Variants in NDC1 observed in about 807,000 individuals in gnomAD.
The protein encoded by NDC1 is NDC1 transmembrane nucleoporin, also known as nucleoporin NDC1.
Under a neutral mutation model 89.8 loss-of-function variants are expected in NDC1, and 24 were observed. The ratio of observed to expected loss-of-function variants is 0.27; its 90% confidence interval spans 0.19 to 0.38. The LOEUF (loss-of-function observed/expected upper bound fraction) is 0.38. Among genes scored for constraint, NDC1 ranks in the 10% least tolerant of loss-of-function variants. The probability of loss-of-function intolerance (pLI) is 1.00; values close to 1 mark genes in which losing one functional copy is unlikely to be tolerated. For missense variants in NDC1, 728 were observed against 797.6 expected, an observed-to-expected ratio of 0.91 and a Z score of 1.05; for synonymous variants, 296 against 284.8, an observed-to-expected ratio of 1.04 and a Z score of -0.39.
intron 3 of NDC1, among the ~76,000 whole-genome samples, chr1:53,830,583 G>A (rs1428508467): frequency 1.3e-5 from 2 of 152,322 alleles, no homozygotes; most frequent in East Asian, 1.9e-4. Context: ...GATGTAGGCT[G>A]GGCGCGGTGG....
chr1:53,821,165 G>A (rs1648657693), intron 5 of NDC1, among the ~76,000 whole-genome samples: 1 of 152,050 alleles, frequency 6.6e-6, no homozygotes, highest in East Asian at 1.9e-4. Context: ...CAGGTGCAGT[G>A]GCTCATGCCT....
At chr1:53,813,528 A>G (rs759510489) in intron 6 of NDC1, among the ~76,000 whole-genome samples, 1 of 152,236 alleles carries the variant, frequency 6.6e-6, no homozygotes, top group African/African-American at 2.4e-5. Flanking sequence ...GTTAAAAGAG[A>G]CAAAGAGGGA....
At chr1:53,810,255 T>C (rs750709196) in intron 6 of NDC1, among the ~76,000 whole-genome samples, 4 of 152,052 alleles carry the variant, frequency 2.6e-5, no homozygotes, top group Non-Finnish European at 5.9e-5. Flanking sequence ...AAAAAATGAA[T>C]AGCTAAAACA....
chr1:53,783,174 T>C (rs1276888275), intron 16 of NDC1, among the ~76,000 whole-genome samples: 2 of 151,604 alleles, frequency 1.3e-5, no homozygotes, highest in Non-Finnish European at 2.9e-5. Flanking sequence ...GTTGAGAGGG[T>C]ATACAAATGG....
At chr1:53,812,913 C>G (rs1019455155) in intron 6 of NDC1, among the ~76,000 whole-genome samples, 1 of 151,720 alleles carries the variant, frequency 6.6e-6, no homozygotes, top group African/African-American at 2.4e-5. Context: ...GATTTATCAG[C>G]AGAAACCCGA....
rs1483397510 is a variant in NDC1 at position 53,796,800 on chromosome 1, C to T, written c.1473G>A (p.Gln491=). ...AAGGATTAGAAAATTCAGTCATTTGCTGATCTATTTTTAAAAAAGAAAAGG... is the reference window on the plus strand; with the variant it reads ...AAGGATTAGAAAATTCAGTCATTTGTTGATCTATTTTTAAAAAAGAAAAGG... ...GPRLWTSASD[Q]QMTEFSNPSP... Residue 491 remains glutamine, a synonymous_variant, in exon 13 of 18, where the codon CAG becomes CAA. Coordinates refer to ENST00000371429, the MANE Select transcript of NDC1 (RefSeq NM_018087.5). 1.9e-6 allele frequency: 3 copies of T among 1,606,978 alleles called. No homozygotes were observed. The highest frequency in any genetic ancestry group is 2.2e-5 in the East Asian group (1 of 44,852).
At chr1:53,790,127 C>T (rs142747061) in intron 14 of NDC1, among the ~76,000 whole-genome samples, 7 of 147,320 alleles carry the variant, frequency 4.8e-5, no homozygotes, top group South Asian at 2.2e-4. Flanking sequence ...CACTTTGGGA[C>T]GATGAGGTGG....
intron 16 of NDC1, 48 bp from the exon 17 acceptor site, chr1:53,772,537 A>G: frequency 1.3e-6 from 2 of 1,581,350 alleles, no homozygotes; most frequent in Non-Finnish European, 8.6e-7. Flanking sequence ...AAGAAAGCCA[A>G]CCTAGGCCAG....
At chr1:53,822,091 T>C (rs924333151) in intron 5 of NDC1, among the ~76,000 whole-genome samples, 2 of 152,204 alleles carry the variant, frequency 1.3e-5, no homozygotes, top group South Asian at 2.1e-4. Flanking sequence ...CTGGTTTTAG[T>C]AGTGTAGGCA....
intron 4 of NDC1, 99 bp from the exon 5 acceptor site, chr1:53,826,035 G>T: frequency 8.2e-7 from 1 of 1,221,578 alleles, no homozygotes; most frequent in Non-Finnish European, 1.1e-6. Flanking sequence ...TTACTTTAAT[G>T]ACTTAAGAAA....
In NDC1 at chr1:53,819,084, G is replaced by A. The variant is rs1374222439; in HGVS notation, c.595-5C>T. 2 of 1,400,976 alleles carry A rather than the reference G, an allele frequency of 1.4e-6. No homozygotes were observed. The highest frequency in any genetic ancestry group is 1.5e-5 in the African/African-American group (1 of 68,890). 86.8% of individuals were successfully genotyped at this position (1,400,976 alleles called of 1,614,324 possible). On this transcript the variant is annotated splice_region_variant and splice_polypyrimidine_tract_variant and intron_variant, in intron 5 of 17. Coordinates refer to ENST00000371429, the MANE Select transcript of NDC1 (RefSeq NM_018087.5). ...AAAACGCAAGAACTTGTATTGCTGTGGGGAAAAAAAAAAGAATCAAATGAC... is the reference window on the plus strand; with the variant it reads ...AAAACGCAAGAACTTGTATTGCTGTAGGGAAAAAAAAAAGAATCAAATGAC...
At chr1:53,829,412 T>A (rs1227214443) in intron 3 of NDC1, among the ~76,000 whole-genome samples, 2 of 152,198 alleles carry the variant, frequency 1.3e-5, no homozygotes, top group African/African-American at 4.8e-5. Flanking sequence ...AGAACATCAT[T>A]TTCCTTCTTT....
At position 53,800,698 on chromosome 1, in the gene NDC1, G is replaced by T. The variant is rs753517346; in HGVS notation, c.1217C>A (p.Ser406Tyr). 5.0e-6 allele frequency: 8 copies of T among 1,613,942 alleles called. No homozygotes were observed. In the South Asian group the frequency reaches 5.5e-5, roughly 11 times the overall value. Residue 406 changes from serine to tyrosine, a missense_variant, in exon 11 of 18, where the codon TCT (serine) becomes TAT (tyrosine). Physicochemically the swap from Ser to Tyr is moderately radical, Grantham distance 144. Transcript: ENST00000371429. ...SYPVEPKKLN[S>Y]PEETAFQTPK... ...TTAGTAGTCCTAGGGATTACCTGGA[G>T]AATTTAATTTCTTAGGTTCCACTGG...
intron 2 of NDC1, among the ~76,000 whole-genome samples, chr1:53,833,020 AG>A (rs1002590427): frequency 1.3e-5 from 2 of 151,894 alleles, no homozygotes; most frequent in Non-Finnish European, 2.9e-5. Flanking sequence ...TCAAAAACAA[AG>A]GGGGGGAGAA....
chr1:53,804,032 A>G (rs766812362), intron 9 of NDC1, 23 bp from the exon 10 acceptor site: 19 of 1,568,336 alleles, frequency 1.2e-5, no homozygotes, highest in Non-Finnish European at 1.7e-5. Context: ...AAAAACACAT[A>G]TTATTTAATT....
At chr1:53,777,232 C>T (rs570923494) in intron 16 of NDC1, among the ~76,000 whole-genome samples, 1 of 152,168 alleles carries the variant, frequency 6.6e-6, no homozygotes, top group African/African-American at 2.4e-5. Context: ...CTTTCTTGAC[C>T]AAGCTGGTCT....
chr1:53,827,697 T>C (rs138049017), intron 4 of NDC1, among the ~76,000 whole-genome samples: 2 of 152,374 alleles, frequency 1.3e-5, no homozygotes, highest in East Asian at 3.9e-4. Flanking sequence ...CACATCTCAC[T>C]TTCTTCATCC....
chr1:53,774,681 G>A (rs1438951251), intron 16 of NDC1, among the ~76,000 whole-genome samples: 1 of 152,084 alleles, frequency 6.6e-6, no homozygotes. Context: ...TTGAAGCCAG[G>A]AGTTCTAGAC....
chr1:53,772,723 A>AACAT (rs1159986666), intron 16 of NDC1, among the ~76,000 whole-genome samples: 2,073 of 118,382 alleles, frequency 0.018, 16 homozygotes, highest in Non-Finnish European at 0.022. Flanking sequence ...TAACATAACA[A>AACAT]AACAAAACAA....
Sources: gnomAD v4.1 joint callset for allele counts (sites outside exome capture counted in the v4.1 genomes callset) on GRCh38, gnomAD v4.1.1 for gene constraint, MANE v1.5 for transcripts, NCBI Gene and HGNC (gene_info 2026-07-23, HGNC 2026-07-21) for gene names.